The following TRAK1 variants were observed in gnomAD, a reference collection of about 807,000 sequenced individuals.
TRAK1 encodes trafficking kinesin-binding protein 1.
A neutral mutation model predicts 92.1 loss-of-function variants in TRAK1; 33 were observed. The ratio of observed to expected loss-of-function variants is 0.36; its 90% confidence interval spans 0.27 to 0.48. The LOEUF (loss-of-function observed/expected upper bound fraction) is 0.48, where lower values mean the gene tolerates loss of function less well. Among genes scored for constraint, TRAK1 ranks in the 20% least tolerant of loss-of-function variants. The pLI, the probability that TRAK1 is intolerant of heterozygous loss-of-function variation, is 0.99. For missense variants in TRAK1, 1,123 were observed against 1,257.9 expected, an observed-to-expected ratio of 0.89 and a Z score of 1.62; for synonymous variants, 521 against 517.3, an observed-to-expected ratio of 1.01 and a Z score of -0.10.
At chr3:42,087,765 A>G (rs925751715), upstream of TRAK1, among the ~76,000 whole-genome samples, 1 of 152,232 alleles carries the variant, frequency 6.6e-6, no homozygotes, top group African/African-American at 2.4e-5. Context: ...GCTTCTTCAG[A>G]TATAAGACAG....
intron 4 of TRAK1, 41 bp downstream of exon 4, chr3:42,184,842 C>A: frequency 6.3e-7 from 1 of 1,582,986 alleles, no homozygotes; most frequent in Non-Finnish European, 8.7e-7. Flanking sequence ...GGGCCCGCCA[C>A]AGGCCTGGGA....
intron 13 of TRAK1, among the ~76,000 whole-genome samples, chr3:42,205,979 G>A (rs1708289502): frequency 6.6e-6 from 1 of 152,196 alleles, no homozygotes; most frequent in Non-Finnish European, 1.5e-5. Context: ...ATGTGGGTGG[G>A]AGGAGTGAGC....
At chr3:42,122,452 C>T (rs1432414310) in intron 1 of TRAK1, among the ~76,000 whole-genome samples, 2 of 151,928 alleles carry the variant, frequency 1.3e-5, no homozygotes, top group Admixed American at 1.3e-4. Flanking sequence ...GTGTTGGTTC[C>T]CTGCCTGTTC....
chr3:42,016,205 G>GT (rs920984324), intron 1 of TRAK1, among the ~76,000 whole-genome samples: 237 of 146,548 alleles, frequency 1.6e-3, no homozygotes, highest in Admixed American at 5.5e-3. Flanking sequence ...CTGGTTTTTT[G>GT]TTTTTTTTTT....
chr3:42,224,327 G>T lies in TRAK1; in HGVS notation c.*590G>T. The T allele has an allele frequency of 3.5e-6, 1 of 287,218 alleles. No individual in the cohort carries two copies. The highest frequency in any genetic ancestry group is 3.0e-5 in the South Asian group (1 of 33,702). 17.8% of individuals were successfully genotyped at this position (287,218 alleles called of 1,614,324 possible). A position where few individuals can be genotyped will look rare whatever the true frequency, so the allele number is the denominator to read the frequency against. On this transcript the variant is annotated 3_prime_UTR_variant, in exon 16 of 16. Coordinates refer to ENST00000327628, the MANE Select transcript of TRAK1 (RefSeq NM_001042646.3). ...CACTGCTCTGCCTCAGTGGACAGTCGTTTCTTTTTTGAGGTGTGACCTTTT... is the reference window on the plus strand; with the variant it reads ...CACTGCTCTGCCTCAGTGGACAGTCTTTTCTTTTTTGAGGTGTGACCTTTT...
At chr3:42,158,555 G>A (rs1700827019) in intron 2 of TRAK1, among the ~76,000 whole-genome samples, 1 of 150,744 alleles carries the variant, frequency 6.6e-6, no homozygotes, top group Non-Finnish European at 1.5e-5. Flanking sequence ...TGAACTCCCT[G>A]CCTGAATTTC....
chr3:42,102,371 A>T (rs1172570371), intron 1 of TRAK1, among the ~76,000 whole-genome samples: 1 of 152,240 alleles, frequency 6.6e-6, no homozygotes, highest in Non-Finnish European at 1.5e-5. Context: ...TGGGTTTTCC[A>T]AACAGTTGAT....
intron 1 of TRAK1, among the ~76,000 whole-genome samples, chr3:42,098,901 GCACC>G: frequency 6.6e-6 from 1 of 152,230 alleles, no homozygotes; most frequent in South Asian, 2.1e-4. Context: ...CGAGCCTTAG[GCACC>G]AGCGTTGCTG....
chr3:42,064,314 A>C (rs1468127861), intron 1 of TRAK1, among the ~76,000 whole-genome samples: 4 of 152,010 alleles, frequency 2.6e-5, no homozygotes, highest in African/African-American at 9.7e-5. Flanking sequence ...AAATACAAAA[A>C]TTAGCCAGTC....
intron 1 of TRAK1, among the ~76,000 whole-genome samples, chr3:42,079,457 C>T (rs1015389796): frequency 6.2e-5 from 9 of 146,334 alleles, no homozygotes; most frequent in African/African-American, 2.2e-4. Flanking sequence ...CTGAGTTTGT[C>T]GTGAAGGAAG....
chr3:42,160,553 G>A, intron 2 of TRAK1: 1 of 1,337,610 alleles, frequency 7.5e-7, no homozygotes. Flanking sequence ...TGATTTCATA[G>A]CACTGTTTTG....
At chr3:42,222,862 C>A in intron 15 of TRAK1, 80 bp from the exon 16 acceptor site, 11 of 1,502,702 alleles carry the variant, frequency 7.3e-6, no homozygotes, top group East Asian at 2.3e-5. Context: ...CCCTACCCCC[C>A]CTGCAGGAAA....
At position 42,131,140 on chromosome 3, in the gene TRAK1, G is replaced by A. The variant is rs78246572; in HGVS notation, c.286+5526G>A. Among the ~76,000 whole-genome samples the A allele has an allele frequency of 6.0e-3, 915 of 152,180 alleles. 34 individuals are homozygous for A. In the East Asian group the frequency reaches 0.11, roughly 18 times the overall value. ...TGCTCAAGATAAGGCATGAGGACCC[G>A]GAGTATCTGGCATGGAGTTTAACTG... is the stretch of plus-strand genomic sequence containing the variant. On this transcript the variant is annotated intron_variant, in intron 2 of 15. Transcript: ENST00000327628.
At chr3:42,060,649 C>T (rs1390227749) in intron 1 of TRAK1, among the ~76,000 whole-genome samples, 6 of 120,116 alleles carry the variant, frequency 5.0e-5, no homozygotes, top group Admixed American at 9.2e-5. Context: ...TTTTTTGAGA[C>T]GGAGTTTTGC....
At chr3:42,023,489 A>G (rs367723992) in intron 1 of TRAK1, among the ~76,000 whole-genome samples, 10 of 152,292 alleles carry the variant, frequency 6.6e-5, no homozygotes, top group African/African-American at 2.4e-4. Context: ...TCTTACCTCC[A>G]TGATGACTGA....
intron 2 of TRAK1, among the ~76,000 whole-genome samples, chr3:42,135,668 G>A (rs1424380336): frequency 6.6e-6 from 1 of 152,230 alleles, no homozygotes; most frequent in Non-Finnish European, 1.5e-5. Flanking sequence ...TGGACTGTGT[G>A]TGGGAACATC....
intron 1 of TRAK1, chr3:42,051,150 TGAGCTGCC>T (rs1702963943): frequency 6.6e-6 from 1 of 152,264 alleles, no homozygotes; most frequent in African/African-American, 2.4e-5. Flanking sequence ...ATTATGGGCT[TGAGCTGCC>T]GCGCCTGGCA....
intron 2 of TRAK1, among the ~76,000 whole-genome samples, chr3:42,173,583 C>T (rs189252924): frequency 1.0e-3 from 159 of 152,290 alleles, no homozygotes; most frequent in African/African-American, 3.2e-3. Flanking sequence ...AAATGCTGCT[C>T]GCTCTGTTTA....
At chr3:42,098,702 A>G (rs1309261003) in intron 1 of TRAK1, among the ~76,000 whole-genome samples, 1 of 151,980 alleles carries the variant, frequency 6.6e-6, no homozygotes, top group African/African-American at 2.4e-5. Context: ...CTCACTTCCT[A>G]CTCTGCTACC....
Sources: gnomAD v4.1 joint callset for allele counts (sites outside exome capture counted in the v4.1 genomes callset) on GRCh38, gnomAD v4.1.1 for gene constraint, MANE v1.5 for transcripts, NCBI Gene and HGNC (gene_info 2026-07-23, HGNC 2026-07-21) for gene names.